GEMIN5: variants seen among roughly 807,000 people sequenced by gnomAD.
GEMIN5 encodes the protein gem nuclear organelle associated protein 5.
A neutral mutation model predicts 176.9 loss-of-function variants in GEMIN5; 124 were observed. The ratio of observed to expected loss-of-function variants is 0.70; its 90% CI spans 0.61 to 0.81. The LOEUF (loss-of-function observed/expected upper bound fraction) is 0.81, where lower values mean the gene tolerates loss of function less well. Among genes scored for constraint, GEMIN5 ranks in the 40% least tolerant of loss-of-function variants. The pLI, the probability that GEMIN5 is intolerant of heterozygous loss-of-function variation, is 0.00. For synonymous variants in GEMIN5, 673 were observed against 665.2 expected, an observed-to-expected ratio of 1.01 and a Z score of -0.18; for missense variants, 1,843 against 1,814.6, an observed-to-expected ratio of 1.02 and a Z score of -0.28.
rs1764314683 is a variant in GEMIN5 at position 154,938,211 on chromosome 5, C to T, written c.-78G>A. The T allele has an allele frequency of 2.6e-6, 3 of 1,172,720 alleles. No homozygotes were observed. The highest frequency in any genetic ancestry group is 2.9e-5 in the South Asian group (1 of 34,882). The allele number at this position is 1,172,720 out of a possible 1,614,324, so 72.6% of individuals were successfully genotyped here. On this transcript the variant is annotated 5_prime_UTR_variant, in exon 1 of 28. Transcript: ENST00000285873. ...CTCACGCCTTAGGTAGGGAGCGGGG[C>T]GGGGTGAACTCCGAGCCCCGCCTTC... is the stretch of plus-strand genomic sequence containing the variant.
At chr5:154,890,467 ATT>A (rs748573084) in intron 26 of GEMIN5, among the ~76,000 whole-genome samples, 14 of 138,138 alleles carry the variant, frequency 1.0e-4, no homozygotes, top group African/African-American at 1.9e-4. Flanking sequence ...TTAAAATTTA[ATT>A]TTTTTTTTTT....
chr5:154,908,130 C>CCATA (rs1763609784), intron 15 of GEMIN5, among the ~76,000 whole-genome samples: 1 of 150,142 alleles, frequency 6.7e-6, no homozygotes, highest in African/African-American at 2.4e-5. Flanking sequence ...GCCACCTACT[C>CCATA]CATACTCTCT....
In GEMIN5 at chr5:154,920,055, TCTC is replaced by T. The variant is rs747310305; in HGVS notation, c.1508_1510del (p.Gly503del). ...GGGATTATGCTGTAAGACAATCCCTTCTCCTCCACAGCTGTATAAAGCAAGGGA... is the reference window on the plus strand; with the variant it reads ...GGGATTATGCTGTAAGACAATCCCTTCTCCACAGCTGTATAAAGCAAGGGA... On this transcript the variant is annotated inframe_deletion, in exon 11 of 28. Transcript: ENST00000285873. The T allele has an allele frequency of 4.3e-6, 7 of 1,611,736 alleles. No individual in the cohort carries two copies. In the South Asian group the frequency reaches 7.7e-5, roughly 18 times the overall value.
At chr5:154,896,690 C>G (rs894050400) in intron 23 of GEMIN5, among the ~76,000 whole-genome samples, 1 of 152,214 alleles carries the variant, frequency 6.6e-6, no homozygotes, top group Non-Finnish European at 1.5e-5. Flanking sequence ...CTGGGCTCAT[C>G]AGGTTCTTTC....
intron 11 of GEMIN5, 62 bp downstream of exon 11, chr5:154,919,905 A>G: frequency 6.9e-7 from 1 of 1,443,524 alleles, no homozygotes; most frequent in Non-Finnish European, 9.6e-7. Context: ...ATTTTGCAAG[A>G]TGGGAAACAC....
intron 1 of GEMIN5, among the ~76,000 whole-genome samples, chr5:154,937,745 C>T (rs1255332624): frequency 6.6e-6 from 1 of 152,202 alleles, no homozygotes; most frequent in Non-Finnish European, 1.5e-5. Flanking sequence ...AGTAAGCAAG[C>T]GGCCCCACGT....
chr5:154,893,327 G>A (rs1476108598), intron 24 of GEMIN5, among the ~76,000 whole-genome samples: 3 of 150,722 alleles, frequency 2.0e-5, no homozygotes, highest in African/African-American at 7.3e-5. Flanking sequence ...CTACTTGGGA[G>A]GCTGAGGCGG....
chr5:154,894,350 C>T (rs1168875595), intron 24 of GEMIN5, among the ~76,000 whole-genome samples: 1 of 152,224 alleles, frequency 6.6e-6, no homozygotes, highest in African/African-American at 2.4e-5. Context: ...TTTTTGGCTA[C>T]TGTGCACTAA....
At chr5:154,937,878 G>T in intron 1 of GEMIN5, 90 bp downstream of exon 1, 6 of 1,174,338 alleles carry the variant, frequency 5.1e-6, no homozygotes, top group Non-Finnish European at 6.9e-6. Flanking sequence ...AGTTTCCCTA[G>T]CTGTAGAAAA....
In GEMIN5 at chr5:154,937,980, G is replaced by A; in HGVS notation, c.154C>T (p.Pro52Ser). 1 of 1,574,802 alleles carries A rather than the reference G, an allele frequency of 6.3e-7. No individual in the cohort carries two copies. The highest frequency in any genetic ancestry group is 1.4e-5 in the African/African-American group (1 of 71,672). The change falls in exon 1 of 28, where the codon CCC becomes TCC. Residue 52 changes from proline to serine, a missense_variant. Transcript: ENST00000285873. Reference sequence around the variant, plus strand: ...GGTGGTGAGTTACCTCGAAACGGGGGTGTCCCTGGACTCTCGCCTGCGCCC... The same window carrying A: ...GGTGGTGAGTTACCTCGAAACGGGGATGTCCCTGGACTCTCGCCTGCGCCC... The part of the protein sequence containing the change: ...GPGAGESPGT[P>S]PFRVIGELVG...
chr5:154,922,841 C>T (rs528319907), intron 9 of GEMIN5, among the ~76,000 whole-genome samples: 7 of 151,722 alleles, frequency 4.6e-5, no homozygotes, highest in South Asian at 2.1e-4. Context: ...AGAATACAGG[C>T]GCCCACTACC....
chr5:154,902,478 T>C (rs1582656146), intron 20 of GEMIN5, 61 bp downstream of exon 20: 22 of 1,508,976 alleles, frequency 1.5e-5, no homozygotes, highest in Non-Finnish European at 1.7e-5. Flanking sequence ...CCATCTTTAG[T>C]GGACGTATCC....
intron 13 of GEMIN5, among the ~76,000 whole-genome samples, chr5:154,913,786 C>T (rs1473858992): frequency 6.6e-6 from 1 of 152,072 alleles, no homozygotes; most frequent in South Asian, 2.1e-4. Flanking sequence ...CACTGTACTA[C>T]AGCCTGGGTG....
intron 15 of GEMIN5, among the ~76,000 whole-genome samples, chr5:154,909,061 C>A (rs1370129650): frequency 6.6e-6 from 1 of 151,732 alleles, no homozygotes; most frequent in African/African-American, 2.4e-5. Context: ...CAGGCTCAAG[C>A]AATCCTCCTG....
At chr5:154,888,767 T>C (rs925045389) in intron 27 of GEMIN5, among the ~76,000 whole-genome samples, 1 of 152,240 alleles carries the variant, frequency 6.6e-6, no homozygotes, top group Non-Finnish European at 1.5e-5. Context: ...TCTCTGAAGA[T>C]TGAGGTATAA....
chr5:154,895,823 G>A (rs926403746), intron 24 of GEMIN5, among the ~76,000 whole-genome samples: 5 of 152,078 alleles, frequency 3.3e-5, no homozygotes, highest in African/African-American at 7.2e-5. Context: ...GGGAGGTGGC[G>A]GCTGCAGTGA....
At position 154,914,690 on chromosome 5, in the gene GEMIN5, C is replaced by T. The variant is rs1022584880; in HGVS notation, c.1856-1652G>A. On this transcript the variant is annotated intron_variant, in intron 13 of 27. Transcript: ENST00000285873. ...ATGTCCAGCTAATCAAGTGATCTTC[C>T]TGCCATGGTCTCCTCAAGTGTTGGG... Among the ~76,000 whole-genome samples, 3 of 152,016 alleles carry T rather than the reference C, an allele frequency of 2.0e-5. No individual in the cohort carries two copies. In the South Asian group the frequency reaches 6.2e-4, roughly 32 times the overall value.
At chr5:154,932,380 G>A (rs1764187183) in intron 3 of GEMIN5, 130 bp from the exon 4 acceptor site, 1 of 644,694 alleles carries the variant, frequency 1.6e-6, no homozygotes, top group Non-Finnish European at 2.7e-6. Flanking sequence ...GCGGAGGAGG[G>A]AAGAGGACAA....
chr5:154,924,739 C>T (rs910453752), intron 8 of GEMIN5, among the ~76,000 whole-genome samples, 185 bp from the exon 9 acceptor site: 3 of 152,182 alleles, frequency 2.0e-5, no homozygotes, highest in Non-Finnish European at 2.9e-5. Context: ...CCTGTAATCC[C>T]AGCACTTTGG....
Sources: gnomAD v4.1 joint callset for allele counts (sites outside exome capture counted in the v4.1 genomes callset) on GRCh38, gnomAD v4.1.1 for gene constraint, MANE v1.5 for transcripts, NCBI Gene and HGNC (gene_info 2026-07-23, HGNC 2026-07-21) for gene names.